Variants in TMEM108 observed in about 807,000 individuals in gnomAD.
The protein encoded by TMEM108 is cancer/testis antigen 124.
A neutral mutation model predicts 35.1 loss-of-function variants in TMEM108; 12 were observed. That is an observed-to-expected ratio of 0.34 (90% CI 0.22 to 0.55). The LOEUF is 0.55. TMEM108 is among the 20% of genes least tolerant of loss of function. TMEM108 has a pLI of 0.89. For synonymous variants in TMEM108, 287 were observed against 308.6 expected (o/e 0.93, Z 0.73); for missense variants, 680 against 753.3 (o/e 0.90, Z 1.14).
chr3:133,290,901 G>A (rs1302847953), intron 3 of TMEM108, among the ~76,000 whole-genome samples: 1 of 151,984 alleles, frequency 6.6e-6, no homozygotes, highest in African/African-American at 2.4e-5. Context: ...AATGAAGAAG[G>A]GCCCAGAGAT....
intron 3 of TMEM108, among the ~76,000 whole-genome samples, chr3:133,294,957 T>G (rs1419992181): frequency 6.6e-6 from 1 of 152,016 alleles, no homozygotes; most frequent in Admixed American, 6.6e-5. Context: ...AACCTGGGAG[T>G]GTTACAGTGG....
intron 2 of TMEM108, among the ~76,000 whole-genome samples, chr3:133,191,964 TG>T (rs1457190485): frequency 3.3e-5 from 5 of 151,974 alleles, no homozygotes. Context: ...CATGCCAGAG[TG>T]GCCCAACTTC....
chr3:133,057,191 C>A (rs976818019), intron 2 of TMEM108, among the ~76,000 whole-genome samples: 1 of 152,122 alleles, frequency 6.6e-6, no homozygotes, highest in Admixed American at 6.6e-5. Context: ...ACGTAATTCT[C>A]AACCTCTTGC....
chr3:133,044,527 C>A (rs982583993), intron 1 of TMEM108, among the ~76,000 whole-genome samples: 3 of 152,172 alleles, frequency 2.0e-5, no homozygotes, highest in Non-Finnish European at 4.4e-5. Flanking sequence ...ATTTTCTACT[C>A]AAAATGCCAA....
At chr3:133,274,652 T>TA (rs1946815169) in intron 3 of TMEM108, among the ~76,000 whole-genome samples, 1 of 152,234 alleles carries the variant, frequency 6.6e-6, no homozygotes, top group African/African-American at 2.4e-5. Context: ...AGTCCTTTCC[T>TA]ACTGCCTCCT....
chr3:133,074,460 G>T (rs1409172628), intron 2 of TMEM108: 1 of 152,122 alleles, frequency 6.6e-6, no homozygotes, highest in African/African-American at 2.4e-5. Flanking sequence ...GTAGCCTACG[G>T]TTGGGAAAAA....
At chr3:133,353,916 CTT>C (rs1423497956) in intron 3 of TMEM108, among the ~76,000 whole-genome samples, 1 of 152,182 alleles carries the variant, frequency 6.6e-6, no homozygotes, top group African/African-American at 2.4e-5. Context: ...CTCTTCCAAA[CTT>C]TGTTTCTTGA....
intron 2 of TMEM108, among the ~76,000 whole-genome samples, chr3:133,193,999 C>T (rs537609437): frequency 3.4e-5 from 5 of 147,172 alleles, no homozygotes; most frequent in South Asian, 2.1e-4. Context: ...TGCAGTGGTG[C>T]GATCTTGGCT....
intron 2 of TMEM108, among the ~76,000 whole-genome samples, chr3:133,182,040 C>T (rs1945353325): frequency 6.6e-6 from 1 of 152,216 alleles, no homozygotes; most frequent in Non-Finnish European, 1.5e-5. Context: ...CAGATCTTCC[C>T]TATCTCATAG....
At chr3:133,245,427 G>A (rs1314971340) in intron 3 of TMEM108, among the ~76,000 whole-genome samples, 1 of 152,194 alleles carries the variant, frequency 6.6e-6, no homozygotes, top group African/African-American at 2.4e-5. Context: ...GTGGCTCCCT[G>A]CTGTTCAGAT....
chr3:133,072,515 A>G (rs7632317), intron 2 of TMEM108, among the ~76,000 whole-genome samples: 10,808 of 152,102 alleles, frequency 0.071, 1,318 homozygotes, highest in African/African-American at 0.24. Context: ...TATGTCAGTT[A>G]CCACATTTAA....
intron 3 of TMEM108, among the ~76,000 whole-genome samples, chr3:133,274,006 G>A (rs1946806991): frequency 6.6e-6 from 1 of 152,216 alleles, no homozygotes; most frequent in South Asian, 2.1e-4. Flanking sequence ...GTGGCTGAGA[G>A]AGGTTAAGTA....
At chr3:133,073,989 C>T (rs921658876) in intron 2 of TMEM108, among the ~76,000 whole-genome samples, 1 of 151,744 alleles carries the variant, frequency 6.6e-6, no homozygotes, top group African/African-American at 2.4e-5. Flanking sequence ...GGTCCTTTGC[C>T]CCCCATTTTT....
intron 2 of TMEM108, among the ~76,000 whole-genome samples, chr3:133,071,449 A>G (rs983866316): frequency 6.6e-6 from 1 of 152,158 alleles, no homozygotes; most frequent in African/African-American, 2.4e-5. Context: ...TTTTAACTTA[A>G]TTATCTCTTT....
intron 3 of TMEM108, among the ~76,000 whole-genome samples, chr3:133,283,552 A>G (rs1946944151): frequency 1.3e-5 from 2 of 152,252 alleles, no homozygotes; most frequent in African/African-American, 4.8e-5. Context: ...CTGAGCAACC[A>G]GAAAGTTAGC....
chr3:133,200,297 C>T (rs141867675), intron 2 of TMEM108, among the ~76,000 whole-genome samples: 1 of 152,246 alleles, frequency 6.6e-6, no homozygotes, highest in African/African-American at 2.4e-5. Context: ...CCAACAAGCC[C>T]CAGTGAGATG....
chr3:133,245,467 C>A (rs1946372497), intron 3 of TMEM108, among the ~76,000 whole-genome samples: 1 of 152,210 alleles, frequency 6.6e-6, no homozygotes. Context: ...CACAGCAGTT[C>A]CCCTCACCAC....
chr3:133,135,976 G>A (rs954721483), intron 2 of TMEM108, among the ~76,000 whole-genome samples: 2 of 152,064 alleles, frequency 1.3e-5, no homozygotes, highest in Non-Finnish European at 2.9e-5. Context: ...TGTTAGGGGG[G>A]ATATCTATGT....
intron 2 of TMEM108, among the ~76,000 whole-genome samples, chr3:133,047,577 A>G (rs1943355356): frequency 6.6e-6 from 1 of 152,030 alleles, no homozygotes; most frequent in Admixed American, 6.6e-5. Context: ...GATGTTCAGC[A>G]GTGTCTTTGA....
Sources: allele counts gnomAD v4.1 joint callset (sites outside exome capture counted in the v4.1 genomes callset), GRCh38; gene constraint gnomAD v4.1.1; transcripts MANE v1.5; gene names NCBI Gene and HGNC (gene_info 2026-07-23, HGNC 2026-07-21).